ROR2: variants seen among roughly 807,000 people sequenced by gnomAD.
ROR2 encodes the protein tyrosine-protein kinase transmembrane receptor ROR2.
A neutral mutation model predicts 74.9 loss-of-function variants in ROR2; 33 were observed. The ratio of observed to expected loss-of-function variants is 0.44; its 90% confidence interval spans 0.33 to 0.59. The LOEUF is 0.59. Ranked by LOEUF, ROR2 falls within the 20% of genes least tolerant of loss-of-function variation. The pLI is 0.02. For missense variants in ROR2, 1,216 were observed against 1,313.8 expected, an observed-to-expected ratio of 0.93 and a Z score of 1.15; for synonymous variants, 586 against 558.7, an observed-to-expected ratio of 1.05 and a Z score of -0.69.
At chr9:91,870,231 G>A (rs78025543) in intron 1 of ROR2, among the ~76,000 whole-genome samples, 2,477 of 152,224 alleles carry the variant, frequency 0.016, 79 homozygotes, top group African/African-American at 0.056. Context: ...TCAATACCTG[G>A]ATCATTTAGT....
chr9:91,878,204 G>T (rs1435787604), intron 1 of ROR2, among the ~76,000 whole-genome samples: 1 of 152,152 alleles, frequency 6.6e-6, no homozygotes, highest in Non-Finnish European at 1.5e-5. Context: ...CTGATGTGGG[G>T]CAAGGGAAAT....
intron 1 of ROR2, among the ~76,000 whole-genome samples, chr9:91,909,147 T>A (rs559950258): frequency 8.5e-5 from 13 of 152,244 alleles, no homozygotes; most frequent in Non-Finnish European, 1.3e-4. Context: ...CTTCTCCTTT[T>A]CCATTTCCAT....
In ROR2 at chr9:91,724,586, G is replaced by A; in HGVS notation, c.1908C>T (p.Leu636=). ...KLNVKISDLG[L]FREVYAADYY... ...AATCGGCGGCATACACCTCTCGGAA[G>A]AGGCCCAAGTCTGAGATCTTCACGT... is the stretch of plus-strand genomic sequence containing the variant. The change falls in exon 9 of 9, where the codon CTC becomes CTT. Residue 636 remains leucine, a synonymous_variant. Transcript: ENST00000375708. 6.2e-7 allele frequency: 1 copy of A among 1,614,158 alleles called. No individual in the cohort carries two copies. The highest frequency in any genetic ancestry group is 8.5e-7 in the Non-Finnish European group (1 of 1,180,038).
At chr9:91,792,598 C>T (rs900672982) in intron 1 of ROR2, among the ~76,000 whole-genome samples, 6 of 152,100 alleles carry the variant, frequency 3.9e-5, no homozygotes, top group African/African-American at 7.2e-5. Context: ...ATGAGCCATG[C>T]GCCCAGCCAA....
chr9:91,915,882 A>G lies in ROR2; in HGVS notation c.97+33985T>C, dbSNP rs1402277483. 2.0e-5 allele frequency among the ~76,000 whole-genome samples: 3 copies of G among 152,112 alleles called. No homozygotes were observed. The East Asian group carries it at 5.8e-4, about 29-fold the overall frequency. ...TAGTGCATTTTACAATCCTCCTATA[A>G]AACGAAAAAGTTCTCCAAGTCCTCA... On this transcript the variant is annotated intron_variant, in intron 1 of 8. Coordinates refer to ENST00000375708, the MANE Select transcript of ROR2 (RefSeq NM_004560.4).
chr9:91,800,979 A>C (rs1023462717), intron 1 of ROR2, among the ~76,000 whole-genome samples: 5 of 152,178 alleles, frequency 3.3e-5, no homozygotes, highest in African/African-American at 1.2e-4. Flanking sequence ...AGAAATGAGG[A>C]TATGAGACCA....
chr9:91,942,997 A>G (rs1208404996), intron 1 of ROR2, among the ~76,000 whole-genome samples: 1 of 152,170 alleles, frequency 6.6e-6, no homozygotes, highest in African/African-American at 2.4e-5. Context: ...ATAGTTATGT[A>G]CTTATTATCA....
chr9:91,879,656 C>T (rs904230783), intron 1 of ROR2, among the ~76,000 whole-genome samples: 1 of 152,052 alleles, frequency 6.6e-6, no homozygotes, highest in African/African-American at 2.4e-5. Flanking sequence ...CTTGGAAGAG[C>T]CCACTCTCTT....
chr9:91,789,319 C>A (rs1826898485), intron 1 of ROR2, among the ~76,000 whole-genome samples: 1 of 152,006 alleles, frequency 6.6e-6, no homozygotes, highest in South Asian at 2.1e-4. Context: ...AAGAGTCCTT[C>A]AAGATGAAAT....
intron 4 of ROR2, among the ~76,000 whole-genome samples, chr9:91,752,267 C>T (rs372750516): frequency 1.3e-5 from 2 of 152,324 alleles, no homozygotes; most frequent in East Asian, 1.9e-4. Context: ...TGCATGTCCA[C>T]AAAAAGTATA....
At chr9:91,848,647 G>A (rs150783877) in intron 1 of ROR2, among the ~76,000 whole-genome samples, 2,146 of 151,980 alleles carry the variant, frequency 0.014, 51 homozygotes, top group African/African-American at 0.048. Flanking sequence ...CCAGATACTC[G>A]GGAGACTGAG....
intron 4 of ROR2, among the ~76,000 whole-genome samples, chr9:91,754,842 C>T (rs977993644): frequency 1.3e-5 from 2 of 152,152 alleles, no homozygotes; most frequent in East Asian, 1.9e-4. Context: ...TTGCTCAGCA[C>T]AGAATCTTCC....
Position 91,950,057 on chromosome 9 carries a change from C to A in ROR2, c.-94G>T. 1.8e-6 allele frequency: 1 copy of A among 553,420 alleles called. No individual in the cohort carries two copies. Among genetic ancestry groups the A allele is most frequent in the Non-Finnish European group, 2.9e-6 (1 of 343,936 alleles). 34.3% of individuals were successfully genotyped at this position (553,420 alleles called of 1,614,324 possible). A position where few individuals can be genotyped will look rare whatever the true frequency, so the allele number is the denominator to read the frequency against. On this transcript the variant is annotated 5_prime_UTR_variant, in exon 1 of 9. Transcript: ENST00000375708. ...CCCTTTCTACGATGCGTCCGCTCCT[C>A]CTTCTCCCTGGCGCTTCGCAAACGG...
chr9:91,859,197 CTTTTT>C (rs541283275), intron 1 of ROR2, among the ~76,000 whole-genome samples: 1,607 of 121,296 alleles, frequency 0.013, 19 homozygotes, highest in Non-Finnish European at 0.018. Context: ...GAAAGTATTC[CTTTTT>C]TTTTTTTTTT....
At chr9:91,809,889 AAC>A (rs940546934) in intron 1 of ROR2, among the ~76,000 whole-genome samples, 6 of 152,242 alleles carry the variant, frequency 3.9e-5, no homozygotes, top group African/African-American at 1.4e-4. Context: ...TTGACTCAGC[AAC>A]AGTGTCCAGT....
chr9:91,750,198 G>A (rs915520817), intron 4 of ROR2, among the ~76,000 whole-genome samples: 3 of 152,128 alleles, frequency 2.0e-5, no homozygotes, highest in Admixed American at 1.3e-4. Flanking sequence ...CGCTGCACCC[G>A]GCCGAAAAAC....
intron 1 of ROR2, among the ~76,000 whole-genome samples, chr9:91,919,921 G>A (rs528211945): frequency 2.6e-4 from 40 of 152,260 alleles, no homozygotes; most frequent in African/African-American, 9.4e-4. Flanking sequence ...TGAACTTTCA[G>A]AAATATTTTG....
chr9:91,879,775 C>A (rs763605327), intron 1 of ROR2, among the ~76,000 whole-genome samples: 4 of 151,988 alleles, frequency 2.6e-5, no homozygotes, highest in Non-Finnish European at 5.9e-5. Context: ...TAAGTGAACA[C>A]CTCATCGTGT....
At chr9:91,948,435 T>C (rs1045311673) in intron 1 of ROR2, among the ~76,000 whole-genome samples, 2 of 152,216 alleles carry the variant, frequency 1.3e-5, no homozygotes, top group Admixed American at 1.3e-4. Flanking sequence ...ACTTAGAATG[T>C]GGTCTACTTA....
Sources: allele counts gnomAD v4.1 joint callset (sites outside exome capture counted in the v4.1 genomes callset), GRCh38; gene constraint gnomAD v4.1.1; transcripts MANE v1.5; gene names NCBI Gene and HGNC (gene_info 2026-07-23, HGNC 2026-07-21).